The following MAP3K7 variants were observed in gnomAD, a reference collection of about 807,000 sequenced individuals.
MAP3K7 encodes the protein TGF-beta activated kinase 1.
A neutral mutation model predicts 84.8 loss-of-function variants in MAP3K7; 21 were observed. The ratio of observed to expected loss-of-function variants is 0.25; its 90% CI spans 0.18 to 0.36. MAP3K7 has a LOEUF of 0.36. Ranked by LOEUF, MAP3K7 falls within the 10% of genes least tolerant of loss-of-function variation. The pLI, the probability that MAP3K7 is intolerant of heterozygous loss-of-function variation, is 1.00. For missense variants in MAP3K7, 503 were observed against 747.7 expected (o/e 0.67, Z 3.82); for synonymous variants, 241 against 247.7 (o/e 0.97, Z 0.25).
At chr6:90,521,032 C>T (rs999414195) in intron 14 of MAP3K7, among the ~76,000 whole-genome samples, 12 of 151,870 alleles carry the variant, frequency 7.9e-5, no homozygotes, top group African/African-American at 1.2e-4. Flanking sequence ...ATCAGTGTTG[C>T]GTGGTATTCT....
chr6:90,573,822 G>A (rs574012581), intron 1 of MAP3K7, among the ~76,000 whole-genome samples: 71 of 152,348 alleles, frequency 4.7e-4, no homozygotes, highest in African/African-American at 1.6e-3. Flanking sequence ...TTTCAAAGTA[G>A]GCCAACTTCT....
chr6:90,581,766 G>A (rs1483769987), intron 1 of MAP3K7, among the ~76,000 whole-genome samples: 1 of 152,042 alleles, frequency 6.6e-6, no homozygotes, highest in East Asian at 1.9e-4. Context: ...ATTATTTTAG[G>A]TATCCATAAT....
At chr6:90,549,527 A>C (rs897547088) in intron 9 of MAP3K7, among the ~76,000 whole-genome samples, 8 of 152,198 alleles carry the variant, frequency 5.3e-5, no homozygotes, top group Admixed American at 1.3e-4. Context: ...GAGGCTAGAA[A>C]GATGAAAATT....
chr6:90,583,242 C>G (rs1447581948), intron 1 of MAP3K7, among the ~76,000 whole-genome samples: 1 of 152,146 alleles, frequency 6.6e-6, no homozygotes, highest in African/African-American at 2.4e-5. Context: ...TCATTAAATG[C>G]TCAGGACCAA....
At chr6:90,549,084 A>C (rs1167460161) in intron 9 of MAP3K7, among the ~76,000 whole-genome samples, 4 of 152,146 alleles carry the variant, frequency 2.6e-5, no homozygotes, top group African/African-American at 9.7e-5. Context: ...ATGATGCAAG[A>C]GACAGGGGAG....
intron 13 of MAP3K7, among the ~76,000 whole-genome samples, chr6:90,531,833 G>A (rs1775515248): frequency 6.6e-6 from 1 of 151,978 alleles, no homozygotes; most frequent in Non-Finnish European, 1.5e-5. Context: ...GCACATGCCT[G>A]TAATCCCAGC....
chr6:90,545,147 TTGTAG>T (rs3839570), intron 11 of MAP3K7, among the ~76,000 whole-genome samples: 40,316 of 151,876 alleles, frequency 0.27, 5,852 homozygotes, highest in South Asian at 0.42. Context: ...GTATATGCTT[TTGTAG>T]TCATACTTAT....
chr6:90,517,624 G>A (rs1022422229), intron 16 of MAP3K7, among the ~76,000 whole-genome samples: 44 of 151,780 alleles, frequency 2.9e-4, no homozygotes, highest in African/African-American at 1.0e-3. Context: ...TTTCCAAACT[G>A]TAGTATTTAA....
chr6:90,542,614 T>G, intron 12 of MAP3K7: 2 of 376,580 alleles, frequency 5.3e-6, no homozygotes, highest in Non-Finnish European at 7.3e-6. Flanking sequence ...AGTCAGAAGA[T>G]CTGGGTTGGG....
At chr6:90,574,125 T>G (rs1776994155) in intron 1 of MAP3K7, among the ~76,000 whole-genome samples, 1 of 152,234 alleles carries the variant, frequency 6.6e-6, no homozygotes, top group Non-Finnish European at 1.5e-5. Flanking sequence ...TTCTCAGCAG[T>G]AAAATAGAAG....
At chr6:90,552,319 C>A in intron 7 of MAP3K7, 140 bp from the exon 8 acceptor site, 1 of 760,004 alleles carries the variant, frequency 1.3e-6, no homozygotes, top group Non-Finnish European at 2.0e-6. Flanking sequence ...AATAAAAGTG[C>A]TTTGTAATTT....
intron 14 of MAP3K7, among the ~76,000 whole-genome samples, chr6:90,521,498 CAG>C (rs1775149492): frequency 6.6e-6 from 1 of 151,978 alleles, no homozygotes; most frequent in South Asian, 2.1e-4. Context: ...ATGAAAAGGC[CAG>C]AGACTATGCC....
chr6:90,583,845 G>A (rs1777358103), intron 1 of MAP3K7, among the ~76,000 whole-genome samples: 1 of 152,110 alleles, frequency 6.6e-6, no homozygotes, highest in South Asian at 2.1e-4. Flanking sequence ...GCCAGTTCTA[G>A]ATGGTAAACA....
At chr6:90,547,937 A>C (rs1223714543) in intron 10 of MAP3K7, 110 bp downstream of exon 10, 13 of 890,986 alleles carry the variant, frequency 1.5e-5, no homozygotes, top group Non-Finnish European at 1.9e-5. Flanking sequence ...TGTTTCAGGA[A>C]GAAAATTCAG....
At chr6:90,578,016 G>GA (rs1476502412) in intron 1 of MAP3K7, among the ~76,000 whole-genome samples, 1 of 152,156 alleles carries the variant, frequency 6.6e-6, no homozygotes, top group Admixed American at 6.5e-5. Context: ...AAGGGAAAAG[G>GA]AAAATCCTTA....
At chr6:90,563,639 A>G (rs1390822930) in intron 3 of MAP3K7, among the ~76,000 whole-genome samples, 1 of 152,170 alleles carries the variant, frequency 6.6e-6, no homozygotes, top group East Asian at 1.9e-4. Context: ...AAGTTGGAAA[A>G]CCCTCTTCAG....
At chr6:90,558,248 G>C (rs950554192) in intron 5 of MAP3K7, among the ~76,000 whole-genome samples, 1 of 152,120 alleles carries the variant, frequency 6.6e-6, no homozygotes, top group Non-Finnish European at 1.5e-5. Context: ...CTTGAACCCG[G>C]GAGGTGGAGG....
intron 12 of MAP3K7, among the ~76,000 whole-genome samples, chr6:90,539,262 T>A (rs951580209): frequency 3.9e-5 from 6 of 151,952 alleles, no homozygotes; most frequent in Admixed American, 6.6e-5. Flanking sequence ...AGAGTTGAAT[T>A]TTTTAGATTA....
intron 6 of MAP3K7, 95 bp from the exon 7 acceptor site, chr6:90,553,681 TA>T (rs1688037938): frequency 6.9e-6 from 7 of 1,013,802 alleles, no homozygotes; most frequent in Non-Finnish European, 1.0e-5. Context: ...GTATCAGGGA[TA>T]AAAATGAGGC....
Sources: allele counts gnomAD v4.1 joint callset (sites outside exome capture counted in the v4.1 genomes callset), GRCh38; gene constraint gnomAD v4.1.1; transcripts MANE v1.5; gene names NCBI Gene and HGNC (gene_info 2026-07-23, HGNC 2026-07-21).